FBH1: variants seen among roughly 807,000 people sequenced by gnomAD.
The protein encoded by FBH1 is F-box DNA helicase 1.
In FBH1, 43 loss-of-function variants were observed where a neutral mutation model predicts 115.5. The ratio of observed to expected loss-of-function variants is 0.37; its 90% confidence interval spans 0.29 to 0.48. FBH1 has a LOEUF of 0.48. Ranked by LOEUF, FBH1 falls within the 20% of genes least tolerant of loss-of-function variation. FBH1 has a pLI of 0.99. For synonymous variants in FBH1, 524 were observed against 507.8 expected (o/e 1.03, Z -0.43); for missense variants, 1,001 against 1,337.3 (o/e 0.75, Z 3.92).
rs1362003006 is a variant in FBH1, at chr10:5,917,580, C to G, written c.1877-10C>G. 1 of 1,614,088 alleles carries G rather than the reference C, an allele frequency of 6.2e-7. No individual in the cohort carries two copies. The highest frequency in any genetic ancestry group is 8.5e-7 in the Non-Finnish European group (1 of 1,179,974). On this transcript the variant is annotated splice_polypyrimidine_tract_variant and intron_variant, in intron 11 of 20. Transcript: ENST00000362091. The surrounding 1 kb of genome is among the most constrained non-coding windows in gnomAD (Gnocchi z 5.6). ...TGGCGTTACAACTCCTGCGTCTCTC[C>G]TTATTTTAGGCTACTTGAAACTCTG...
intron 19 of FBH1, among the ~76,000 whole-genome samples, chr10:5,934,067 G>A (rs1396884012): frequency 6.6e-6 from 1 of 152,192 alleles, no homozygotes; most frequent in East Asian, 1.9e-4. Context: ...AAGATCCCGA[G>A]TTGGGCAGTA....
At position 5,915,582 on chromosome 10, in the gene FBH1, C is replaced by T. The variant is rs951649023; in HGVS notation, c.1565+11C>T. ...GCACATAGGGCGGAAGTGAGTACTGCTGTCACTAGTGGCACTGTTGCTGCT... is the reference window on the plus strand; with the variant it reads ...GCACATAGGGCGGAAGTGAGTACTGTTGTCACTAGTGGCACTGTTGCTGCT... On this transcript the variant is annotated intron_variant, in intron 9 of 20. Transcript: ENST00000362091. The surrounding 1 kb of genome is among the most constrained non-coding windows in gnomAD (Gnocchi z 5.2). 2 of 1,612,900 alleles carry T rather than the reference C, an allele frequency of 1.2e-6. No homozygotes were observed. Among genetic ancestry groups the T allele is most frequent in the African/African-American group, 1.3e-5 (1 of 75,030 alleles).
In FBH1 at chr10:5,917,772, T is replaced by C. The variant is rs1158232723; in HGVS notation, c.1963+96T>C. On this transcript the variant is annotated intron_variant, in intron 12 of 20. Transcript: ENST00000362091. This position sits in a 1 kb window ranked among gnomAD's most constrained non-coding sequence, Gnocchi z 5.6. Reference sequence around the variant, plus strand: ...CCTGTGTGAACTAAGTTGATTATTATTATTTGTGATAAAGAAGAGGATCTT... The same window carrying C: ...CCTGTGTGAACTAAGTTGATTATTACTATTTGTGATAAAGAAGAGGATCTT... 1 of 953,406 alleles carries C rather than the reference T, an allele frequency of 1.0e-6. No individual in the cohort carries two copies. Among genetic ancestry groups the C allele is most frequent in the African/African-American group, 1.6e-5 (1 of 61,340 alleles). 59.1% of individuals were successfully genotyped at this position (953,406 alleles called of 1,614,324 possible).
chr10:5,921,142 G>A lies in FBH1; in HGVS notation c.2101-116G>A, dbSNP rs1015908704. On this transcript the variant is annotated intron_variant, in intron 13 of 20. Coordinates refer to ENST00000362091, the MANE Select transcript of FBH1 (RefSeq NM_178150.3). This position sits in a 1 kb window ranked among gnomAD's most constrained non-coding sequence, Gnocchi z 6.4. ...AGCCTGTGAAGTTCGCTTTCCATGCGGGGGGTCAGGAACAACTTGTAGGGT... is the reference window on the plus strand; with the variant it reads ...AGCCTGTGAAGTTCGCTTTCCATGCAGGGGGTCAGGAACAACTTGTAGGGT... The A allele has an allele frequency of 4.7e-6, 4 of 859,772 alleles. No homozygotes were observed. Among genetic ancestry groups the A allele is most frequent in the Non-Finnish European group, 7.3e-6 (4 of 546,992 alleles). 53.3% of individuals were successfully genotyped at this position (859,772 alleles called of 1,614,324 possible). A position where few individuals can be genotyped will look rare whatever the true frequency, so the allele number is the denominator to read the frequency against.
At chr10:5,891,894 G>C (rs1842757120) in intron 1 of FBH1, among the ~76,000 whole-genome samples, 1 of 152,212 alleles carries the variant, frequency 6.6e-6, no homozygotes, top group South Asian at 2.1e-4. Flanking sequence ...TTACAGGCGT[G>C]AGCCACCGTG....
rs752348124 is a variant in FBH1 at position 5,915,455 on chromosome 10, C to T, written c.1449C>T (p.Ser483=). 4 of 1,614,056 alleles carry T rather than the reference C, an allele frequency of 2.5e-6. No homozygotes were observed. The highest frequency in any genetic ancestry group is 1.6e-4 in the Middle Eastern group (1 of 6,084). Residue 483 remains serine (S), a synonymous_variant, in exon 9 of 21, where the codon AGC becomes AGT. Transcript: ENST00000362091. The surrounding 1 kb of genome is among the most constrained non-coding windows in gnomAD (Gnocchi z 5.2). ...LVKYAEKWSQ[S]RFLYVTFNKS... The stretch of plus-strand genomic sequence containing the variant: ...AGTATGCAGAGAAGTGGTCTCAGAG[C>T]AGGTTTCTGTATGTGACATTCAACA...
Position 5,909,241 on chromosome 10 carries a change from G to A in FBH1, c.967G>A (p.Glu323Lys), listed in dbSNP as rs765636339. Residue 323 changes from glutamate (E) to lysine (K), a missense_variant, in exon 5 of 21, where the codon GAG becomes AAG. By Grantham distance (56) the Glu-to-Lys change is moderately conservative. Around this residue, in one of 4 missense-constraint regions of FBH1, gnomAD observed 420 missense variants for 430.4 expected, o/e 0.98. Coordinates refer to ENST00000362091, the MANE Select transcript of FBH1 (RefSeq NM_178150.3). This position sits in a 1 kb window ranked among gnomAD's most constrained non-coding sequence, Gnocchi z 4.4. ...TCTGAGGGACCACCCCCTCCTCCCC[G>A]AGGCTGAGGCGTGTGTGCGGCAACA... ...WSLRDHPLLP[E>K]AEACVRQHLP... 1.2e-6 allele frequency: 2 copies of A among 1,613,044 alleles called. No homozygotes were observed. The highest frequency in any genetic ancestry group is 1.7e-6 in the Non-Finnish European group (2 of 1,180,006).
intron 15 of FBH1, among the ~76,000 whole-genome samples, chr10:5,922,587 G>A (rs1034242810): frequency 2.6e-5 from 4 of 151,850 alleles, no homozygotes; most frequent in African/African-American, 9.7e-5. Flanking sequence ...GCTGTACCAT[G>A]TGTCATTACA....
At chr10:5,894,919 T>C (rs1353403308) in intron 1 of FBH1, 6 of 883,808 alleles carry the variant, frequency 6.8e-6, no homozygotes, top group Non-Finnish European at 1.0e-5. Context: ...ACACAAAGAA[T>C]TGTTACAAGT....
Position 5,909,350 on chromosome 10 carries a change from A to G in FBH1, c.1020+56A>G. 1 of 1,566,296 alleles carries G rather than the reference A, an allele frequency of 6.4e-7. No individual in the cohort carries two copies. Among genetic ancestry groups the G allele is most frequent in the Non-Finnish European group, 8.6e-7 (1 of 1,159,632 alleles). Reference sequence around the variant, plus strand: ...ATGTTATTTCACTGGAGGAAAGTGTACTGGTGATTCAGTTCAATTGAGGAT... The same window carrying G: ...ATGTTATTTCACTGGAGGAAAGTGTGCTGGTGATTCAGTTCAATTGAGGAT... On this transcript the variant is annotated intron_variant, in intron 5 of 20. Transcript: ENST00000362091. The surrounding 1 kb of genome is among the most constrained non-coding windows in gnomAD (Gnocchi z 4.4).
intron 18 of FBH1, 133 bp from the exon 19 acceptor site, chr10:5,927,302 T>C: frequency 1.6e-6 from 1 of 623,144 alleles, no homozygotes; most frequent in Non-Finnish European, 2.7e-6. Context: ...AATTTTGTAT[T>C]TACAGCCAAC....
chr10:5,925,288 T>C lies in FBH1; in HGVS notation c.2597-79T>C. 6.5e-7 allele frequency: 1 copy of C among 1,548,556 alleles called. No individual in the cohort carries two copies. The highest frequency in any genetic ancestry group is 8.8e-7 in the Non-Finnish European group (1 of 1,137,834). On this transcript the variant is annotated intron_variant, in intron 17 of 20. Coordinates refer to ENST00000362091, the MANE Select transcript of FBH1 (RefSeq NM_178150.3). This position sits in a 1 kb window ranked among gnomAD's most constrained non-coding sequence, Gnocchi z 4.6. ...AGAAATGTTCGAGTTCAGAGTCAAG[T>C]GGGAAACATGTATGTTTTTGTCATC...
intron 1 of FBH1, among the ~76,000 whole-genome samples, chr10:5,902,720 C>T (rs1458550634): frequency 1.3e-5 from 2 of 152,040 alleles, no homozygotes; most frequent in African/African-American, 2.4e-5. Flanking sequence ...TGAGCCAGCG[C>T]GCCCAGCCAC....
Position 5,915,289 on chromosome 10 carries a change from A to G in FBH1, c.1397-114A>G. 1.8e-6 allele frequency: 2 copies of G among 1,087,378 alleles called. No individual in the cohort carries two copies. Among genetic ancestry groups the G allele is most frequent in the South Asian group, 3.3e-5 (2 of 61,058 alleles). The allele number at this position is 1,087,378 out of a possible 1,614,324, so 67.4% of individuals were successfully genotyped here. On this transcript the variant is annotated intron_variant, in intron 8 of 20. Coordinates refer to ENST00000362091, the MANE Select transcript of FBH1 (RefSeq NM_178150.3). The surrounding 1 kb of genome is among the most constrained non-coding windows in gnomAD (Gnocchi z 5.2). Reference sequence around the variant, plus strand: ...TTTTACCAGCACTGAAAAACTTGTTACTGTCCTGCTCTCAAGACAGAGGTG... The same window carrying G: ...TTTTACCAGCACTGAAAAACTTGTTGCTGTCCTGCTCTCAAGACAGAGGTG...
In FBH1 at chr10:5,924,447, C is replaced by G; in HGVS notation, c.2535C>G (p.Ile845Met). ...AKIAVVEKYNIRIPELVQRIE... is the reference protein window; with the variant it reads ...AKIAVVEKYNMRIPELVQRIE... ...TCGCAGTTGTTGAAAAGTATAACAT[C>G]AGGATTCCAGAGCTGGTGCAAAGGA... Residue 845 changes from isoleucine (I) to methionine (M), a missense_variant, in exon 17 of 21, where the codon ATC (isoleucine) becomes ATG (methionine). Physicochemically the swap from Ile to Met is conservative, Grantham distance 10 (BLOSUM62 1). This residue lies in a region of FBH1 where 521 missense variants were observed against 811.0 expected (regional missense o/e 0.64). Transcript: ENST00000362091. This position sits in a 1 kb window ranked among gnomAD's most constrained non-coding sequence, Gnocchi z 6.2. The G allele has an allele frequency of 6.2e-7, 1 of 1,614,120 alleles. No homozygotes were observed. Among genetic ancestry groups the G allele is most frequent in the Non-Finnish European group, 8.5e-7 (1 of 1,180,016 alleles).
At position 5,900,207 on chromosome 10, in the gene FBH1, T is replaced by C. The variant is rs1843254592; in HGVS notation, c.2-2813T>C. ...CAATGTCTTAGGCAGGCTACTCACA[T>C]AAGCCTTGTTAAATAGAGGAAACAG... On this transcript the variant is annotated intron_variant, in intron 1 of 20. Transcript: ENST00000362091. This position sits in a 1 kb window ranked among gnomAD's most constrained non-coding sequence, Gnocchi z 4.2. Among the ~76,000 whole-genome samples the C allele has an allele frequency of 6.6e-6, 1 of 152,266 alleles. No individual in the cohort carries two copies. The highest frequency in any genetic ancestry group is 6.5e-5 in the Admixed American group (1 of 15,290).
chr10:5,921,367 T>G lies in FBH1; in HGVS notation c.2200+10T>G. On this transcript the variant is annotated intron_variant, in intron 14 of 20. Coordinates refer to ENST00000362091, the MANE Select transcript of FBH1 (RefSeq NM_178150.3). The surrounding 1 kb of genome is among the most constrained non-coding windows in gnomAD (Gnocchi z 6.4). ...GGAGGAAACCATCAGAGTAAGGCTT[T>G]TAGTTACTCTTCTCTTTTGTGTTAC... 6.2e-7 allele frequency: 1 copy of G among 1,612,838 alleles called. No individual in the cohort carries two copies. Among genetic ancestry groups the G allele is most frequent in the Non-Finnish European group, 8.5e-7 (1 of 1,179,642 alleles).
chr10:5,911,094 G>A lies in FBH1; in HGVS notation c.1177G>A (p.Ala393Thr), dbSNP rs1419338606. 6 of 1,613,046 alleles carry A rather than the reference G, an allele frequency of 3.7e-6. No homozygotes were observed. The highest frequency in any genetic ancestry group is 1.6e-4 in the Middle Eastern group (1 of 6,078). ...GTACTGCATAGCCGTGCTTCTCTAC[G>A]CCATGAGGGAGAAGGGGATTAACAT... ...TLYCIAVLLYAMREKGINISN... is the reference protein window; with the variant it reads ...TLYCIAVLLYTMREKGINISN... The change falls in exon 6 of 21, where the codon GCC becomes ACC. Residue 393 changes from alanine to threonine, a missense_variant. Ala to Thr is a moderately conservative substitution (Grantham distance 58). This residue lies in a region of FBH1 where 59 missense variants were observed against 79.7 expected (regional missense o/e 0.74). Coordinates refer to ENST00000362091, the MANE Select transcript of FBH1 (RefSeq NM_178150.3). This position sits in a 1 kb window ranked among gnomAD's most constrained non-coding sequence, Gnocchi z 5.4.
At chr10:5,901,659 G>A (rs1344126153) in intron 1 of FBH1, among the ~76,000 whole-genome samples, 1 of 151,338 alleles carries the variant, frequency 6.6e-6, no homozygotes, top group Non-Finnish European at 1.5e-5. Flanking sequence ...CCGCCTCCCG[G>A]GTTCAAGTGA....
Sources: gnomAD v4.1 joint callset for allele counts (sites outside exome capture counted in the v4.1 genomes callset) on GRCh38, gnomAD v4.1.1 for gene constraint, gnomAD v4.1.1 regional missense constraint, Gnocchi (gnomAD v3.1) non-coding constraint, MANE v1.5 for transcripts, NCBI Gene and HGNC (gene_info 2026-07-23, HGNC 2026-07-21) for gene names.